CORIN: variants seen among roughly 807,000 people sequenced by gnomAD.
CORIN encodes atrial natriuretic peptide-converting enzyme.
Under a neutral mutation model 125.3 loss-of-function variants are expected in CORIN, and 117 were observed. The observed-to-expected ratio is 0.93, with a 90% confidence interval of 0.80 to 1.09. The LOEUF is 1.09. Ranked by LOEUF, CORIN falls within the 50% of genes least tolerant of loss-of-function variation. CORIN has a pLI of 0.00. For synonymous variants in CORIN, 450 were observed against 466.4 expected, an observed-to-expected ratio of 0.96 and a Z score of 0.45; for missense variants, 1,253 against 1,306.7, an observed-to-expected ratio of 0.96 and a Z score of 0.63.
intron 2 of CORIN, among the ~76,000 whole-genome samples, chr4:47,802,738 A>C (rs548510021): frequency 6.6e-6 from 1 of 152,192 alleles, no homozygotes; most frequent in African/African-American, 2.4e-5. Flanking sequence ...CCACCTGCTG[A>C]TTGTAGACTC....
At chr4:47,626,617 C>G in intron 16 of CORIN, 96 bp from the exon 17 acceptor site, 1 of 816,448 alleles carries the variant, frequency 1.2e-6, no homozygotes, top group Non-Finnish European at 2.1e-6. Context: ...CAAAAAGAAG[C>G]ACTAAATCAT....
intron 10 of CORIN, among the ~76,000 whole-genome samples, chr4:47,670,813 C>T (rs1331906702): frequency 6.6e-6 from 1 of 152,178 alleles, no homozygotes; most frequent in African/African-American, 2.4e-5. Context: ...CTGCTCCTAC[C>T]CTCAAAGGCA....
rs372300424 is a variant in CORIN at position 47,791,359 on chromosome 4, G to T, written c.209-4434C>A. Among the ~76,000 whole-genome samples the T allele has an allele frequency of 3.3e-5, 5 of 152,298 alleles. No homozygotes were observed. The South Asian group carries it at 1.0e-3, about 32-fold the overall frequency. On this transcript the variant is annotated intron_variant, in intron 2 of 21. Transcript: ENST00000273857. ...AATAGATTGTCCCATAGAGTCTGCA[G>T]AAGGAACACCTAAATTTTGCCCAGT...
At chr4:47,722,719 G>T (rs1396213189) in intron 5 of CORIN, among the ~76,000 whole-genome samples, 1 of 152,122 alleles carries the variant, frequency 6.6e-6, no homozygotes, top group African/African-American at 2.4e-5. Flanking sequence ...CTTAAAATTT[G>T]AAGTGAAACG....
chr4:47,838,058 G>C lies in CORIN; in HGVS notation c.-109C>G. On this transcript the variant is annotated 5_prime_UTR_variant, in exon 1 of 22. Transcript: ENST00000273857. ...CGGATGATTTTCTCCAAGCTCAAGAGAGACAAACTGAACTTTAAGCGCCAG... is the reference window on the plus strand; with the variant it reads ...CGGATGATTTTCTCCAAGCTCAAGACAGACAAACTGAACTTTAAGCGCCAG... The C allele has an allele frequency of 6.5e-7, 1 of 1,542,156 alleles. No homozygotes were observed. The highest frequency in any genetic ancestry group is 8.7e-7 in the Non-Finnish European group (1 of 1,153,832).
chr4:47,648,640 T>C (rs532687347), intron 13 of CORIN, among the ~76,000 whole-genome samples: 3 of 152,228 alleles, frequency 2.0e-5, no homozygotes, highest in Non-Finnish European at 4.4e-5. Context: ...CAGATGCTTT[T>C]TGTTCTGTAA....
chr4:47,595,686 G>A lies in CORIN; in HGVS notation c.*35C>T. On this transcript the variant is annotated 3_prime_UTR_variant, in exon 22 of 22. Transcript: ENST00000273857. ...CAGTCAAGAAGGCCATTTTCTTTTA[G>A]TGTAGCTGGCAAAAGTCTCTGATCA... 2 of 1,539,004 alleles carry A rather than the reference G, an allele frequency of 1.3e-6. No homozygotes were observed. Among genetic ancestry groups the A allele is most frequent in the Non-Finnish European group, 8.8e-7 (1 of 1,137,944 alleles).
At chr4:47,776,494 A>G (rs1342316151) in intron 3 of CORIN, among the ~76,000 whole-genome samples, 1 of 152,200 alleles carries the variant, frequency 6.6e-6, no homozygotes, top group Non-Finnish European at 1.5e-5. Context: ...ACTTTAAAGG[A>G]CATATTATAT....
At chr4:47,706,860 G>A in intron 5 of CORIN, 1 of 1,598,724 alleles carries the variant, frequency 6.3e-7, no homozygotes, top group Non-Finnish European at 8.5e-7. Flanking sequence ...GAGATGCGTG[G>A]GCTGACATCT....
At chr4:47,699,576 C>A (rs893691740) in intron 5 of CORIN, among the ~76,000 whole-genome samples, 4 of 152,148 alleles carry the variant, frequency 2.6e-5, no homozygotes, top group African/African-American at 9.7e-5. Flanking sequence ...TAGAATAGAA[C>A]TGACACATTA....
At chr4:47,762,562 T>C (rs1479370173) in intron 4 of CORIN, among the ~76,000 whole-genome samples, 1 of 152,238 alleles carries the variant, frequency 6.6e-6, no homozygotes, top group Non-Finnish European at 1.5e-5. Flanking sequence ...TATCTCTCTG[T>C]GTCTACACTT....
intron 3 of CORIN, among the ~76,000 whole-genome samples, chr4:47,772,715 T>C (rs145732518): frequency 2.6e-5 from 4 of 152,328 alleles, no homozygotes; most frequent in Non-Finnish European, 4.4e-5. Context: ...ATAGGTTTAT[T>C]ATAAGGATAA....
At position 47,595,874 on chromosome 4, in the gene CORIN, C is replaced by T; in HGVS notation, c.2976G>A (p.Glu992=). 6.2e-7 allele frequency: 1 copy of T among 1,611,312 alleles called. No individual in the cohort carries two copies. Among genetic ancestry groups the T allele is most frequent in the Non-Finnish European group, 8.5e-7 (1 of 1,179,280 alleles). ...MGDSGGPLVC[E]KPGGRWTLFG... ...ATAATGTCCACCGTCCTCCAGGCTT[C>T]TCACAAACAAGAGGCCCACCGCTGT... is the stretch of plus-strand genomic sequence containing the variant. The change falls in exon 22 of 22, where the codon GAG becomes GAA. Residue 992 remains glutamate, a synonymous_variant. Coordinates refer to ENST00000273857, the MANE Select transcript of CORIN (RefSeq NM_006587.4).
intron 10 of CORIN, among the ~76,000 whole-genome samples, chr4:47,668,988 A>G (rs920995961): frequency 2.6e-5 from 4 of 152,202 alleles, no homozygotes; most frequent in African/African-American, 9.7e-5. Context: ...TATCTTAAGC[A>G]TTAGGCTCAT....
At chr4:47,678,081 T>C (rs1166949196) in intron 8 of CORIN, 27 bp from the exon 9 acceptor site, 1 of 1,461,084 alleles carries the variant, frequency 6.8e-7, no homozygotes, top group Admixed American at 1.7e-5. Flanking sequence ...CAATATTCAC[T>C]TTATTTATTA....
chr4:47,750,111 C>A (rs995165916), intron 4 of CORIN, among the ~76,000 whole-genome samples: 3 of 152,138 alleles, frequency 2.0e-5, no homozygotes. Context: ...ACCCAAATAA[C>A]AATAGATGGC....
At chr4:47,614,949 G>A (rs1379542462) in intron 19 of CORIN, among the ~76,000 whole-genome samples, 2 of 152,178 alleles carry the variant, frequency 1.3e-5, no homozygotes, top group Non-Finnish European at 2.9e-5. Flanking sequence ...TATATTTATG[G>A]TAATGTAATA....
rs184972122 is a variant in CORIN at position 47,594,453 on chromosome 4, G to A, written c.*1268C>T. The stretch of plus-strand genomic sequence containing the variant: ...AAGATTTGTGTTTTAAAGTTTTTTA[G>A]TGGGGAAAAATACTTTTTACCACTA... On this transcript the variant is annotated 3_prime_UTR_variant, in exon 22 of 22. Transcript: ENST00000273857. 392 of 152,632 alleles carry A rather than the reference G, an allele frequency of 2.6e-3. 1 individual carries two copies. Among genetic ancestry groups the A allele is most frequent in the Non-Finnish European group, 2.5e-3 (173 of 67,988 alleles). The allele number at this position is 152,632 out of a possible 1,614,324, so 9.5% of individuals were successfully genotyped here.
At chr4:47,757,410 A>G (rs951736153) in intron 4 of CORIN, among the ~76,000 whole-genome samples, 33 of 152,214 alleles carry the variant, frequency 2.2e-4, no homozygotes, top group African/African-American at 7.5e-4. Context: ...CCTGGCCAAT[A>G]TGGTGAAACC....
Sources: allele counts gnomAD v4.1 joint callset (sites outside exome capture counted in the v4.1 genomes callset), GRCh38; gene constraint gnomAD v4.1.1; transcripts MANE v1.5; gene names NCBI Gene and HGNC (gene_info 2026-07-23, HGNC 2026-07-21).